LARGE1: variants seen among roughly 807,000 people sequenced by gnomAD.
LARGE1 encodes LARGE xylosyl- and glucuronyltransferase 1, also known as xylosyl- and glucuronyltransferase LARGE1.
A neutral mutation model predicts 87.6 loss-of-function variants in LARGE1; 43 were observed. The observed-to-expected ratio is 0.49, with a 90% CI of 0.38 to 0.63. The LOEUF is 0.63. Among genes scored for constraint, LARGE1 ranks in the 30% least tolerant of loss-of-function variants. LARGE1 has a pLI of 0.00. For missense variants in LARGE1, 802 were observed against 1,000.2 expected (o/e 0.80, Z 2.67); for synonymous variants, 434 against 394.6 (o/e 1.10, Z -1.18).
intron 11 of LARGE1, among the ~76,000 whole-genome samples, chr22:33,202,062 G>A (rs1252299411): frequency 6.6e-6 from 1 of 151,984 alleles, no homozygotes; most frequent in Non-Finnish European, 1.5e-5. Context: ...CTTGAACCAG[G>A]GAGGCGGAGG....
intron 9 of LARGE1, among the ~76,000 whole-genome samples, chr22:33,372,122 G>A (rs2064832327): frequency 6.6e-6 from 1 of 151,964 alleles, no homozygotes; most frequent in South Asian, 2.1e-4. Context: ...CTCATCAAAT[G>A]TCTGGGTCAT....
At chr22:33,089,302 CTCT>C in the LARGE1 span, among the ~76,000 whole-genome samples, 23 of 131,848 alleles carry the variant, frequency 1.7e-4, no homozygotes, top group Admixed American at 8.5e-4. Flanking sequence ...CTTCTTCTTC[CTCT>C]TCTTCTTCTT....
At position 33,316,091 on chromosome 22, in the gene LARGE1, A is replaced by G; in HGVS notation, c.1445T>C (p.Met482Thr). 1 of 1,613,798 alleles carries G rather than the reference A, an allele frequency of 6.2e-7. No individual in the cohort carries two copies. Among genetic ancestry groups the G allele is most frequent in the Non-Finnish European group, 8.5e-7 (1 of 1,179,822 alleles). Reference protein sequence around the residue: ...TDVTLVAQLSMDRLQMLEAIC... With the variant: ...TDVTLVAQLSTDRLQMLEAIC... The stretch of plus-strand genomic sequence containing the variant: ...GTGAGGCCGTCTGCCATACCTGTCC[A>G]TGGACAGCTGAGCGACCAGGGTGAC... Residue 482 changes from methionine to threonine, a missense_variant, in exon 11 of 15, where the codon ATG (methionine) becomes ACG (threonine). Around this residue, in one of 2 missense-constraint regions of LARGE1, gnomAD observed 625 missense variants for 841.9 expected, o/e 0.74. Transcript: ENST00000397394.
At chr22:33,508,781 TC>T (rs112449683) in intron 6 of LARGE1, among the ~76,000 whole-genome samples, 2 of 152,186 alleles carry the variant, frequency 1.3e-5, no homozygotes, top group African/African-American at 4.8e-5. Context: ...GACATTTGTC[TC>T]CCGAGAAGCA....
At chr22:33,785,100 T>C (rs1015137344) in intron 1 of LARGE1, among the ~76,000 whole-genome samples, 1 of 64,794 alleles carries the variant, frequency 1.5e-5, no homozygotes, top group African/African-American at 7.6e-5. Context: ...TATATACATG[T>C]GTATACATAC....
At chr22:33,807,849 C>T (rs564524701) in intron 1 of LARGE1, among the ~76,000 whole-genome samples, 10 of 152,234 alleles carry the variant, frequency 6.6e-5, no homozygotes, top group South Asian at 2.1e-4. Context: ...TTCTTTTCGG[C>T]GCTGAATAAT....
chr22:33,751,170 G>T (rs2084301235), intron 2 of LARGE1, among the ~76,000 whole-genome samples: 1 of 152,130 alleles, frequency 6.6e-6, no homozygotes, highest in Non-Finnish European at 1.5e-5. Context: ...CAGCTATATA[G>T]TCATCACACA....
intron 2 of LARGE1, among the ~76,000 whole-genome samples, chr22:33,658,886 T>G (rs770558174): frequency 6.6e-6 from 1 of 152,236 alleles, no homozygotes; most frequent in Non-Finnish European, 1.5e-5. Context: ...CCAGACTCTC[T>G]AGATTCAAAG....
intron 6 of LARGE1, among the ~76,000 whole-genome samples, chr22:33,505,227 C>T (rs978125129): frequency 3.3e-5 from 5 of 152,234 alleles, no homozygotes; most frequent in Non-Finnish European, 7.3e-5. Context: ...GACAGGACCA[C>T]GATTAGTGGA....
chr22:33,454,962 G>C (rs191986387), intron 6 of LARGE1, among the ~76,000 whole-genome samples: 2 of 152,188 alleles, frequency 1.3e-5, no homozygotes, highest in African/African-American at 4.8e-5. Flanking sequence ...GTGGATATGA[G>C]ACTTGGGTGG....
At chr22:33,356,008 G>A (rs995487111) in intron 9 of LARGE1, among the ~76,000 whole-genome samples, 1 of 150,332 alleles carries the variant, frequency 6.7e-6, no homozygotes, top group African/African-American at 2.5e-5. Context: ...TTGGTATGTA[G>A]TACATAGAAC....
At chr22:33,288,494 T>C (rs1317730838) in intron 12 of LARGE1, among the ~76,000 whole-genome samples, 2 of 152,202 alleles carry the variant, frequency 1.3e-5, no homozygotes, top group Non-Finnish European at 2.9e-5. Flanking sequence ...TATTGATACA[T>C]ATATTACTAT....
rs9306275 is a variant in LARGE1 at position 33,329,266 on chromosome 22, G to A, written c.1287+8380C>T. On this transcript the variant is annotated intron_variant, in intron 10 of 14. Transcript: ENST00000397394. ...TGGGCAGGGGTTGGAGACACTGGCTGTTGACTTACAATTCCATATACATTC... is the reference window on the plus strand; with the variant it reads ...TGGGCAGGGGTTGGAGACACTGGCTATTGACTTACAATTCCATATACATTC... Among the ~76,000 whole-genome samples, 357 of 152,250 alleles carry A rather than the reference G, an allele frequency of 2.3e-3. 2 individuals carry two copies. Among genetic ancestry groups the A allele is most frequent in the African/African-American group, 8.3e-3 (344 of 41,534 alleles).
At chr22:33,363,255 C>T (rs775503067) in intron 9 of LARGE1, among the ~76,000 whole-genome samples, 5 of 149,590 alleles carry the variant, frequency 3.3e-5, no homozygotes, top group Non-Finnish European at 6.0e-5. Context: ...TCCGTTTTCA[C>T]GCTGCTGATA....
intron 1 of LARGE1, among the ~76,000 whole-genome samples, chr22:33,819,162 G>A (rs527729047): frequency 1.1e-4 from 17 of 152,240 alleles, no homozygotes; most frequent in South Asian, 4.2e-4. Flanking sequence ...GAGTTCACAC[G>A]GGCTCCTGGG....
At chr22:33,691,788 A>T (rs182081053) in intron 2 of LARGE1, among the ~76,000 whole-genome samples, 2 of 152,194 alleles carry the variant, frequency 1.3e-5, no homozygotes, top group African/African-American at 2.4e-5. Flanking sequence ...TGGAAGACCC[A>T]TATGGAACTT....
At chr22:33,361,102 A>G (rs2064372046) in intron 9 of LARGE1, among the ~76,000 whole-genome samples, 1 of 148,502 alleles carries the variant, frequency 6.7e-6, no homozygotes, top group African/African-American at 2.5e-5. Flanking sequence ...AATCCCAGCT[A>G]CTCGGGAGGC....
At chr22:33,584,629 G>A (rs887685298) in intron 5 of LARGE1, among the ~76,000 whole-genome samples, 8 of 151,668 alleles carry the variant, frequency 5.3e-5, no homozygotes, top group African/African-American at 1.5e-4. Context: ...CTATTAAATA[G>A]AGTTAACATC....
At chr22:33,409,675 C>T (rs2066234957) in intron 7 of LARGE1, among the ~76,000 whole-genome samples, 1 of 151,948 alleles carries the variant, frequency 6.6e-6, no homozygotes, top group Non-Finnish European at 1.5e-5. Flanking sequence ...TCCTGGCTAA[C>T]ACAATGAAAC....
Sources: allele counts gnomAD v4.1 joint callset (sites outside exome capture counted in the v4.1 genomes callset), GRCh38; gene constraint gnomAD v4.1.1; regional missense constraint gnomAD v4.1.1; transcripts MANE v1.5; gene names NCBI Gene and HGNC (gene_info 2026-07-23, HGNC 2026-07-21).